Variants in SLC11A2 observed in about 807,000 individuals in gnomAD.
The protein encoded by SLC11A2 is natural resistance-associated macrophage protein 2.
A neutral mutation model predicts 68.0 loss-of-function variants in SLC11A2; 38 were observed. The observed-to-expected ratio is 0.56, with a 90% CI of 0.43 to 0.73. The LOEUF is 0.73. SLC11A2 is among the 30% of genes least tolerant of loss of function. The pLI, the probability that SLC11A2 is intolerant of heterozygous loss-of-function variation, is 0.00. For missense variants in SLC11A2, 517 were observed against 690.5 expected (o/e 0.75, Z 2.82); for synonymous variants, 242 against 250.6 (o/e 0.97, Z 0.32).
chr12:50,998,754 C>T (rs1023174209), intron 8 of SLC11A2, among the ~76,000 whole-genome samples: 2 of 152,158 alleles, frequency 1.3e-5, no homozygotes, highest in African/African-American at 4.8e-5. Context: ...TCATATAATT[C>T]ATTAACTGTT....
chr12:51,009,870 G>A (rs188594733), intron 2 of SLC11A2, among the ~76,000 whole-genome samples: 55 of 152,188 alleles, frequency 3.6e-4, no homozygotes, highest in Non-Finnish European at 3.1e-4. Context: ...AAGATACGAA[G>A]CAGGTCTCTG....
rs542538964 is a variant in SLC11A2 at position 50,988,102 on chromosome 12, C to G, written c.*223G>C. The G allele has an allele frequency of 2.6e-5, 39 of 1,475,834 alleles. 1 individual carries two copies. In the South Asian group the frequency reaches 4.1e-4, roughly 16 times the overall value. The allele number at this position is 1,475,834 out of a possible 1,614,324, so 91.4% of individuals were successfully genotyped here. A position where few individuals can be genotyped will look rare whatever the true frequency, so the allele number is the denominator to read the frequency against. ...GTGTTGGAATGATAGCAGCAAATGT[C>G]AGCTTTTCAAAGATCCCACCCTAAT... On this transcript the variant is annotated 3_prime_UTR_variant, in exon 16 of 16. Coordinates refer to ENST00000262052, the MANE Select transcript of SLC11A2 (RefSeq NM_000617.3).
intron 8 of SLC11A2, among the ~76,000 whole-genome samples, chr12:50,998,443 G>A (rs1208572022): frequency 6.6e-6 from 1 of 152,086 alleles, no homozygotes; most frequent in Non-Finnish European, 1.5e-5. Flanking sequence ...GCATACTTCT[G>A]TTCACCCATG....
rs150909 is a variant in SLC11A2 at position 50,987,294 on chromosome 12, C to T, written c.*1031G>A. On this transcript the variant is annotated 3_prime_UTR_variant, in exon 16 of 16. Transcript: ENST00000262052. The stretch of plus-strand genomic sequence containing the variant: ...CTGAGAAAGACAGTGTGCTTTGCAA[C>T]GGTTAAGTCCACAGCTCCTGAGATT... 1,199,190 of 1,287,120 alleles carry T rather than the reference C, an allele frequency of 0.93. 559,390 individuals carry two copies. The highest frequency in any genetic ancestry group is 0.98 in the East Asian group (17,688 of 18,012). The allele number at this position is 1,287,120 out of a possible 1,614,324, so 79.7% of individuals were successfully genotyped here. A position where few individuals can be genotyped will look rare whatever the true frequency, so the allele number is the denominator to read the frequency against.
chr12:50,967,736 G>A, the SLC11A2 span, among the ~76,000 whole-genome samples: 10 of 152,132 alleles, frequency 6.6e-5, no homozygotes, highest in African/African-American at 2.4e-4. Flanking sequence ...CTATCATGCT[G>A]GTTCTGTTCC....
intron 2 of SLC11A2, 70 bp from the exon 3 acceptor site, chr12:51,008,694 T>C: frequency 1.6e-6 from 2 of 1,249,172 alleles, no homozygotes; most frequent in South Asian, 2.4e-5. Flanking sequence ...ATCCTTAGTA[T>C]ACTGAAATTA....
chr12:51,000,101 T>C (rs1942074885), intron 6 of SLC11A2, among the ~76,000 whole-genome samples: 1 of 151,944 alleles, frequency 6.6e-6, no homozygotes, highest in African/African-American at 2.4e-5. Context: ...ACGCCACACA[T>C]TCTAATAAAG....
At chr12:50,960,043 GTTCT>G in the SLC11A2 span, among the ~76,000 whole-genome samples, 8 of 152,130 alleles carry the variant, frequency 5.3e-5, no homozygotes, top group Non-Finnish European at 8.8e-5. Flanking sequence ...TAGTTGATGA[GTTCT>G]TTGTTTCAGA....
the SLC11A2 span, among the ~76,000 whole-genome samples, chr12:50,971,609 C>T: frequency 6.6e-6 from 1 of 152,284 alleles, no homozygotes; most frequent in South Asian, 2.1e-4. Flanking sequence ...GCTCTAACTG[C>T]CCTCAGGGTC....
intron 1 of SLC11A2, among the ~76,000 whole-genome samples, chr12:51,012,897 C>A (rs552859213): frequency 1.3e-5 from 2 of 152,308 alleles, no homozygotes; most frequent in South Asian, 4.1e-4. Flanking sequence ...AATAGCACCT[C>A]ACCTAAATGG....
chr12:50,978,995 C>T (rs542695325), downstream of SLC11A2, among the ~76,000 whole-genome samples: 7 of 152,274 alleles, frequency 4.6e-5, no homozygotes, highest in South Asian at 1.5e-3. Flanking sequence ...TGCACTTTTT[C>T]TGACATTCTG....
chr12:50,957,804 G>A, the SLC11A2 span, among the ~76,000 whole-genome samples: 1 of 151,998 alleles, frequency 6.6e-6, no homozygotes, highest in Non-Finnish European at 1.5e-5. Flanking sequence ...AGAATCGCTT[G>A]AACCCTGGAG....
At chr12:51,004,607 G>A (rs1452453256) in intron 5 of SLC11A2, among the ~76,000 whole-genome samples, 181 bp downstream of exon 5, 1 of 152,112 alleles carries the variant, frequency 6.6e-6, no homozygotes, top group Non-Finnish European at 1.5e-5. Flanking sequence ...TTTGAAAGAG[G>A]GGGAAAACAT....
At chr12:50,975,347 C>T (rs1174606273), downstream of SLC11A2, among the ~76,000 whole-genome samples, 4 of 152,070 alleles carry the variant, frequency 2.6e-5, no homozygotes, top group Non-Finnish European at 5.9e-5. Context: ...CACTCAAAAC[C>T]GCTCAACTAC....
chr12:50,982,775 G>A (rs969468665), downstream of SLC11A2, among the ~76,000 whole-genome samples: 8 of 150,558 alleles, frequency 5.3e-5, no homozygotes, highest in African/African-American at 7.3e-5. Context: ...GAAACCCCTC[G>A]ACTAAAAATA....
rs71663850 is a variant in SLC11A2 at position 50,993,992 on chromosome 12, C to CAAAAA, written c.1077+547_1077+551dup. Among the ~76,000 whole-genome samples the CAAAAA allele has an allele frequency of 6.8e-3, 327 of 48,392 alleles. 11 individuals carry two copies. The highest frequency in any genetic ancestry group is 0.023 in the African/African-American group (310 of 13,196). 31.7% of individuals were successfully genotyped at this position (48,392 alleles called of 152,430 possible). On this transcript the variant is annotated intron_variant, in intron 11 of 15. Transcript: ENST00000262052. ...GGGCAACAGAGCAAGACCTTGTCTC[C>CAAAAA]AAAAAAAAAAAAAAAAAAAAAAAAA...
chr12:50,953,221 C>A, the SLC11A2 span, among the ~76,000 whole-genome samples: 6 of 152,200 alleles, frequency 3.9e-5, no homozygotes, highest in African/African-American at 1.2e-4. Flanking sequence ...GCTGAAGGAA[C>A]AACAGGAGAC....
intron 3 of SLC11A2, among the ~76,000 whole-genome samples, chr12:51,007,785 T>C (rs987184221): frequency 3.9e-5 from 6 of 152,092 alleles, no homozygotes; most frequent in African/African-American, 1.4e-4. Context: ...GGACTACAGG[T>C]GCATACCACC....
chr12:51,014,620 A>G (rs1445560885), intron 1 of SLC11A2, among the ~76,000 whole-genome samples: 1 of 151,940 alleles, frequency 6.6e-6, no homozygotes, highest in Non-Finnish European at 1.5e-5. Context: ...GGGAGGCTGA[A>G]GTGGGCGGAT....
Sources: allele counts gnomAD v4.1 joint callset (sites outside exome capture counted in the v4.1 genomes callset), GRCh38; gene constraint gnomAD v4.1.1; transcripts MANE v1.5; gene names NCBI Gene and HGNC (gene_info 2026-07-23, HGNC 2026-07-21).